Variants in DNAH8 observed in about 807,000 individuals in gnomAD.
The protein encoded by DNAH8 is dynein axonemal heavy chain 8.
Under a neutral mutation model 562.1 loss-of-function variants are expected in DNAH8, and 382 were observed. The ratio of observed to expected loss-of-function variants is 0.68; its 90% CI spans 0.63 to 0.74. The LOEUF (loss-of-function observed/expected upper bound fraction) is 0.74, where lower values mean the gene tolerates loss of function less well. Ranked by LOEUF, DNAH8 falls within the 30% of genes least tolerant of loss-of-function variation. DNAH8 has a pLI of 0.00. For synonymous variants in DNAH8, 1,881 were observed against 1,919.4 expected, an observed-to-expected ratio of 0.98 and a Z score of 0.52; for missense variants, 5,203 against 5,620.4, an observed-to-expected ratio of 0.93 and a Z score of 2.37.
At chr6:38,993,643 A>T (rs1248933721) in intron 88 of DNAH8, among the ~76,000 whole-genome samples, 1 of 151,758 alleles carries the variant, frequency 6.6e-6, no homozygotes, top group African/African-American at 2.4e-5. Context: ...ACATATTGTT[A>T]TTACCCTTTC....
intron 39 of DNAH8, 57 bp from the exon 40 acceptor site, chr6:38,852,637 A>T (rs550374520): frequency 8.0e-7 from 1 of 1,257,656 alleles, no homozygotes; most frequent in Non-Finnish European, 1.1e-6. Context: ...GCTTTTAAAA[A>T]CATCTCAGCG....
chr6:38,988,945 A>C (rs1334318322), intron 87 of DNAH8, among the ~76,000 whole-genome samples: 1 of 152,182 alleles, frequency 6.6e-6, no homozygotes, highest in South Asian at 2.1e-4. Flanking sequence ...TAATTGGCTC[A>C]TCCCTCCGCT....
At position 38,873,011 on chromosome 6, in the gene DNAH8, A is replaced by C. The variant is rs765968561; in HGVS notation, c.7343A>C (p.Asp2448Ala). 24 of 1,614,042 alleles carry C rather than the reference A, an allele frequency of 1.5e-5. No individual in the cohort carries two copies. Among genetic ancestry groups the C allele is most frequent in the Non-Finnish European group, 5.1e-6 (6 of 1,180,006 alleles). The change falls in exon 51 of 93, where the codon GAT becomes GCT. Residue 2448 changes from aspartate to alanine, a missense_variant. By Grantham distance (126) the Asp-to-Ala change is moderately radical (BLOSUM62 -2). This residue lies in a region of DNAH8 where 977 missense variants were observed against 1,061.8 expected (regional missense o/e 0.92). Transcript: ENST00000327475. ...DNKTLTLANGDRIPMAPSCKL... is the reference protein window; with the variant it reads ...DNKTLTLANGARIPMAPSCKL... ...AAAACTCTGACGTTAGCTAATGGAG[A>C]TCGCATTCCCATGGCCCCTAGTTGT...
intron 88 of DNAH8, among the ~76,000 whole-genome samples, chr6:39,008,586 T>C (rs1416475791): frequency 1.3e-5 from 2 of 151,710 alleles, no homozygotes; most frequent in Non-Finnish European, 2.9e-5. Flanking sequence ...TCCTTGAAGA[T>C]GGAGAGTGTT....
chr6:38,772,409 G>C (rs1312216963), intron 12 of DNAH8, among the ~76,000 whole-genome samples: 2 of 152,116 alleles, frequency 1.3e-5, no homozygotes, highest in African/African-American at 4.8e-5. Flanking sequence ...TGGGTATGAA[G>C]TGGTATCTCA....
In DNAH8 at chr6:38,861,949, G is replaced by GTTTTTTTTTTTTTT. The variant is rs10677373; in HGVS notation, c.6132-328_6132-315dup. Reference sequence around the variant, plus strand: ...AGATATTGGCAAACATGAAAACCAGGTTTTTTTTTTTTTTTTCTGGAGAGC... The same window carrying GTTTTTTTTTTTTTT: ...AGATATTGGCAAACATGAAAACCAGGTTTTTTTTTTTTTTTTTTTTTTTTTTTTTTCTGGAGAGC... On this transcript the variant is annotated intron_variant, in intron 43 of 92. Coordinates refer to ENST00000327475, the MANE Select transcript of DNAH8 (RefSeq NM_001206927.2). Among the ~76,000 whole-genome samples the GTTTTTTTTTTTTTT allele has an allele frequency of 1.5e-5, 2 of 134,688 alleles. 1 individual carries two copies. Among genetic ancestry groups the GTTTTTTTTTTTTTT allele is most frequent in the African/African-American group, 5.5e-5 (2 of 36,682 alleles). 88.4% of individuals were successfully genotyped at this position (134,688 alleles called of 152,430 possible).
intron 64 of DNAH8, 56 bp downstream of exon 64, chr6:38,908,176 C>G: frequency 1.0e-6 from 1 of 984,322 alleles, no homozygotes; most frequent in East Asian, 2.8e-5. Flanking sequence ...TTTAAAGGTG[C>G]TTAGTTTGCC....
chr6:38,867,148 G>A (rs1029229115), intron 47 of DNAH8, among the ~76,000 whole-genome samples: 12 of 152,108 alleles, frequency 7.9e-5, no homozygotes, highest in African/African-American at 2.7e-4. Flanking sequence ...TAACTGTAGC[G>A]CAATAACAAA....
chr6:38,778,227 A>C (rs1015154148), intron 13 of DNAH8, among the ~76,000 whole-genome samples, 161 bp from the exon 14 acceptor site: 5 of 152,236 alleles, frequency 3.3e-5, no homozygotes, highest in African/African-American at 1.2e-4. Context: ...ACATGTGGCC[A>C]AAGTCCATCA....
At chr6:38,991,713 C>T (rs1215982329) in intron 88 of DNAH8, among the ~76,000 whole-genome samples, 1 of 152,176 alleles carries the variant, frequency 6.6e-6, no homozygotes, top group Non-Finnish European at 1.5e-5. Context: ...TCAGGCCAGA[C>T]AGCTTCCTGT....
intron 45 of DNAH8, 24 bp downstream of exon 45, chr6:38,864,084 A>C (rs1255026040): frequency 1.3e-6 from 2 of 1,590,298 alleles, no homozygotes; most frequent in Non-Finnish European, 1.7e-6. Context: ...CTTTAAATGC[A>C]ATTTAATTAG....
At chr6:38,819,646 C>A (rs915925913) in intron 26 of DNAH8, among the ~76,000 whole-genome samples, 1 of 152,040 alleles carries the variant, frequency 6.6e-6, no homozygotes, top group South Asian at 2.1e-4. Context: ...TAGAGATCTT[C>A]ATTATGAAAT....
In DNAH8 at chr6:38,722,883, C is replaced by G. The variant is rs1207810630; in HGVS notation, c.74C>G (p.Pro25Arg). Residue 25 changes from proline (P) to arginine (R), a missense_variant, in exon 2 of 93, where the codon CCT becomes CGT. This residue lies in a region of DNAH8 where 556 missense variants were observed against 496.9 expected (regional missense o/e 1.12). Coordinates refer to ENST00000327475, the MANE Select transcript of DNAH8 (RefSeq NM_001206927.2). ...EAPPSTEEAA[P>R]PRSEEEEAPR... ...CCTCCCTCTACGGAAGAGGCTGCCC[C>G]TCCCCGTTCAGAAGAGGAAGAGGCC... 6.2e-7 allele frequency: 1 copy of G among 1,611,986 alleles called. No homozygotes were observed. The highest frequency in any genetic ancestry group is 8.5e-7 in the Non-Finnish European group (1 of 1,179,538).
chr6:38,963,120 G>T (rs1041866585), intron 82 of DNAH8, among the ~76,000 whole-genome samples: 10 of 151,848 alleles, frequency 6.6e-5, no homozygotes, highest in African/African-American at 2.2e-4. Context: ...CCCAAAACCT[G>T]TTGAAATAAA....
At chr6:38,962,101 A>T (rs888677042) in intron 82 of DNAH8, among the ~76,000 whole-genome samples, 2 of 152,092 alleles carry the variant, frequency 1.3e-5, no homozygotes. Context: ...TAAAATACTC[A>T]TTTAAAGAAA....
intron 16 of DNAH8, among the ~76,000 whole-genome samples, 167 bp downstream of exon 16, chr6:38,781,540 A>G (rs1368302068): frequency 6.6e-6 from 1 of 152,234 alleles, no homozygotes; most frequent in Non-Finnish European, 1.5e-5. Context: ...GACAAAGTCA[A>G]TTCCTTCAGG....
At position 38,882,984 on chromosome 6, in the gene DNAH8, A is replaced by AT; in HGVS notation, c.7937dup (p.Leu2646PhefsTer6). 1.2e-6 allele frequency: 2 copies of AT among 1,605,934 alleles called. No individual in the cohort carries two copies. Among genetic ancestry groups the AT allele is most frequent in the Non-Finnish European group, 1.7e-6 (2 of 1,177,110 alleles). ...TGACAGTATTCCGGAATATTCATCAATTTTGGTTCCAAATGTTGACAATAT... is the reference window on the plus strand; with the variant it reads ...TGACAGTATTCCGGAATATTCATCAATTTTTGGTTCCAAATGTTGACAATAT... On this transcript the variant is annotated frameshift_variant, in exon 54 of 93. Coordinates refer to ENST00000327475, the MANE Select transcript of DNAH8 (RefSeq NM_001206927.2). LOFTEE classifies it high-confidence loss of function.
intron 86 of DNAH8, among the ~76,000 whole-genome samples, chr6:38,983,485 T>C (rs1410446451): frequency 6.6e-6 from 1 of 152,228 alleles, no homozygotes; most frequent in East Asian, 1.9e-4. Context: ...TGGTCATTTA[T>C]CATTTTGGTA....
chr6:38,879,779 T>C (rs1778324946), intron 53 of DNAH8, among the ~76,000 whole-genome samples: 1 of 152,166 alleles, frequency 6.6e-6, no homozygotes, highest in Non-Finnish European at 1.5e-5. Context: ...ATTCTCTTTA[T>C]TTGCAGATGA....
Sources: allele counts gnomAD v4.1 joint callset (sites outside exome capture counted in the v4.1 genomes callset), GRCh38; gene constraint gnomAD v4.1.1; regional missense constraint gnomAD v4.1.1; transcripts MANE v1.5; gene names NCBI Gene and HGNC (gene_info 2026-07-23, HGNC 2026-07-21).